Variants in LRMDA observed in about 807,000 individuals in gnomAD.
LRMDA encodes leucine rich melanocyte differentiation associated, also known as leucine-rich melanocyte differentiation-associated protein.
Under a neutral mutation model 29.8 loss-of-function variants are expected in LRMDA, and 18 were observed. That is an observed-to-expected ratio of 0.60 (90% CI 0.42 to 0.90). LRMDA has a LOEUF of 0.90. Ranked by LOEUF, LRMDA falls within the 40% of genes least tolerant of loss-of-function variation. The probability of loss-of-function intolerance (pLI) is 0.00; values close to 1 mark genes in which losing one functional copy is unlikely to be tolerated. For synonymous variants in LRMDA, 125 were observed against 109.4 expected (o/e 1.14, Z -0.89); for missense variants, 273 against 273.9 (o/e 1.00, Z 0.02).
intron 2 of LRMDA, among the ~76,000 whole-genome samples, chr10:75,865,180 A>G (rs1223393520): frequency 1.3e-5 from 2 of 152,196 alleles, no homozygotes; most frequent in Non-Finnish European, 2.9e-5. Context: ...AGTCATACAC[A>G]AGAGTATTTA....
At chr10:75,551,530 G>A (rs953365020) in intron 2 of LRMDA, among the ~76,000 whole-genome samples, 6 of 150,646 alleles carry the variant, frequency 4.0e-5, no homozygotes, top group African/African-American at 1.5e-4. Flanking sequence ...TCCCCTCCCT[G>A]TGTCCATGTG....
At chr10:75,876,055 C>G (rs536694146) in intron 2 of LRMDA, among the ~76,000 whole-genome samples, 1 of 152,054 alleles carries the variant, frequency 6.6e-6, no homozygotes, top group African/African-American at 2.4e-5. Flanking sequence ...GTGATTGGAC[C>G]CTGGTGGGAG....
chr10:76,222,050 A>G (rs200634442), intron 5 of LRMDA, among the ~76,000 whole-genome samples: 23,165 of 151,838 alleles, frequency 0.15, 2,407 homozygotes, highest in East Asian at 0.49. Context: ...TGGTGCTGGG[A>G]AAACTGGCTA....
chr10:75,690,615 C>T (rs1344994295), intron 2 of LRMDA, among the ~76,000 whole-genome samples: 1 of 152,054 alleles, frequency 6.6e-6, no homozygotes, highest in Non-Finnish European at 1.5e-5. Flanking sequence ...GTGCCCAGCA[C>T]AGGTCTCCTA....
intron 6 of LRMDA, among the ~76,000 whole-genome samples, chr10:76,482,578 A>G (rs1842742660): frequency 6.6e-6 from 1 of 151,874 alleles, no homozygotes; most frequent in African/African-American, 2.4e-5. Flanking sequence ...CAGTTCATTG[A>G]GTCATTCTAC....
chr10:75,830,837 A>T (rs1276430971), intron 2 of LRMDA, among the ~76,000 whole-genome samples: 2 of 152,160 alleles, frequency 1.3e-5, no homozygotes, highest in Non-Finnish European at 2.9e-5. Flanking sequence ...TTTAGCATTA[A>T]CTCAAAAGTC....
chr10:76,124,960 T>C (rs1049378553), intron 5 of LRMDA, among the ~76,000 whole-genome samples: 1 of 152,216 alleles, frequency 6.6e-6, no homozygotes, highest in African/African-American at 2.4e-5. Context: ...AGTAGAGAAA[T>C]GTGTGCTATA....
chr10:76,107,421 C>T (rs1165627594), intron 5 of LRMDA, among the ~76,000 whole-genome samples: 3 of 152,220 alleles, frequency 2.0e-5, no homozygotes, highest in Non-Finnish European at 4.4e-5. Context: ...CTTGTGTTCT[C>T]TCCTACTTAG....
At chr10:76,268,031 T>C (rs190846178) in intron 5 of LRMDA, among the ~76,000 whole-genome samples, 34 of 152,342 alleles carry the variant, frequency 2.2e-4, no homozygotes, top group Non-Finnish European at 4.3e-4. Context: ...CTCAGCCACA[T>C]ATAGGCTGTC....
intron 5 of LRMDA, among the ~76,000 whole-genome samples, chr10:76,215,526 A>G (rs1851713111): frequency 6.6e-6 from 1 of 151,710 alleles, no homozygotes; most frequent in Non-Finnish European, 1.5e-5. Flanking sequence ...GCTAAGTAGT[A>G]GATTCTTTCT....
chr10:75,615,319 C>T (rs1263422912), intron 2 of LRMDA, among the ~76,000 whole-genome samples: 2 of 152,112 alleles, frequency 1.3e-5, no homozygotes, highest in Non-Finnish European at 2.9e-5. Context: ...TGCTTGGGAC[C>T]AGAAGTGTTT....
intron 5 of LRMDA, among the ~76,000 whole-genome samples, chr10:76,292,257 T>C (rs550754338): frequency 1.3e-5 from 2 of 152,206 alleles, no homozygotes; most frequent in Non-Finnish European, 2.9e-5. Flanking sequence ...ATTTCCATAG[T>C]AATCCACTGA....
At chr10:75,804,670 G>A (rs943258342) in intron 2 of LRMDA, among the ~76,000 whole-genome samples, 4 of 152,252 alleles carry the variant, frequency 2.6e-5, no homozygotes, top group African/African-American at 9.6e-5. Context: ...CGAGGCCTGG[G>A]CCGTGGGGCT....
chr10:75,682,121 C>G (rs938278632), intron 2 of LRMDA, among the ~76,000 whole-genome samples: 2 of 152,094 alleles, frequency 1.3e-5, no homozygotes, highest in Admixed American at 6.5e-5. Flanking sequence ...GATGCAAGAC[C>G]TAGGTTGAAA....
chr10:75,889,862 T>A (rs947198737), intron 2 of LRMDA, among the ~76,000 whole-genome samples: 1 of 152,206 alleles, frequency 6.6e-6, no homozygotes, highest in Non-Finnish European at 1.5e-5. Flanking sequence ...ATTGCATGGT[T>A]CAAACTAAGG....
intron 5 of LRMDA, among the ~76,000 whole-genome samples, chr10:76,060,286 G>A (rs191061785): frequency 6.6e-6 from 1 of 152,234 alleles, no homozygotes; most frequent in African/African-American, 2.4e-5. Flanking sequence ...CATTGACTTT[G>A]ATGTGGGCAG....
intron 2 of LRMDA, among the ~76,000 whole-genome samples, chr10:75,763,359 T>C (rs1843121082): frequency 6.6e-6 from 1 of 152,180 alleles, no homozygotes; most frequent in African/African-American, 2.4e-5. Context: ...GAGAAAGATT[T>C]GTAATAATGC....
intron 2 of LRMDA, among the ~76,000 whole-genome samples, chr10:75,966,737 A>G (rs772532184): frequency 1.1e-4 from 17 of 152,194 alleles, no homozygotes; most frequent in Non-Finnish European, 2.1e-4. Flanking sequence ...GAAGTTAGAG[A>G]TTCTTGAGTT....
chr10:75,907,422 T>C (rs1405432159), intron 2 of LRMDA, among the ~76,000 whole-genome samples: 1 of 152,208 alleles, frequency 6.6e-6, no homozygotes, highest in Non-Finnish European at 1.5e-5. Flanking sequence ...GTGAAAGCAA[T>C]CTGCTCAAAG....
Sources: allele counts gnomAD v4.1 joint callset (sites outside exome capture counted in the v4.1 genomes callset), GRCh38; gene constraint gnomAD v4.1.1; transcripts MANE v1.5; gene names NCBI Gene and HGNC (gene_info 2026-07-23, HGNC 2026-07-21).